The following STIL variants were observed in gnomAD, a reference collection of about 807,000 sequenced individuals.
The protein encoded by STIL is STIL centriolar assembly protein.
In STIL, 55 loss-of-function variants were observed where a neutral mutation model predicts 110.1. The ratio of observed to expected loss-of-function variants is 0.50; its 90% CI spans 0.40 to 0.63. The LOEUF (loss-of-function observed/expected upper bound fraction) is 0.63. Among genes scored for constraint, STIL ranks in the 20% least tolerant of loss-of-function variants. The probability of loss-of-function intolerance (pLI) is 0.00; values close to 1 mark genes in which losing one functional copy is unlikely to be tolerated. For synonymous variants in STIL, 481 were observed against 530.0 expected (o/e 0.91, Z 1.27); for missense variants, 1,358 against 1,530.0 (o/e 0.89, Z 1.87).
At chr1:47,291,960 G>A (rs761975930) in intron 8 of STIL, among the ~76,000 whole-genome samples, 4 of 151,742 alleles carry the variant, frequency 2.6e-5, no homozygotes, top group Admixed American at 6.6e-5. Context: ...GGGCTCAAGC[G>A]ATCTTCCCAT....
chr1:47,256,126 T>C (rs1366856951), intron 16 of STIL, among the ~76,000 whole-genome samples: 7 of 152,338 alleles, frequency 4.6e-5, no homozygotes, highest in African/African-American at 1.4e-4. Flanking sequence ...ACTTTTAGTA[T>C]ACCAGTTATA....
intron 14 of STIL, 34 bp from the exon 15 acceptor site, chr1:47,263,150 G>A: frequency 6.3e-7 from 1 of 1,578,538 alleles, no homozygotes; most frequent in Non-Finnish European, 8.7e-7. Context: ...AGTCATTGAG[G>A]TACCTTTAAC....
chr1:47,263,596 C>A (rs1173253307), intron 14 of STIL, among the ~76,000 whole-genome samples: 1 of 152,086 alleles, frequency 6.6e-6, no homozygotes, highest in Non-Finnish European at 1.5e-5. Flanking sequence ...ATAAACTAAA[C>A]CATGGTACCT....
At chr1:47,281,840 C>T (rs1446619565) in intron 11 of STIL, among the ~76,000 whole-genome samples, 1 of 152,134 alleles carries the variant, frequency 6.6e-6, no homozygotes, top group Non-Finnish European at 1.5e-5. Context: ...AAATGACCCA[C>T]AGGTTGGTAG....
chr1:47,270,134 G>A (rs868372408), intron 13 of STIL, among the ~76,000 whole-genome samples: 2 of 151,486 alleles, frequency 1.3e-5, no homozygotes, highest in South Asian at 2.1e-4. Flanking sequence ...ATCTACTCAG[G>A]AGGCAGAGGT....
intron 9 of STIL, among the ~76,000 whole-genome samples, chr1:47,288,828 C>T (rs1002091096): frequency 6.7e-6 from 1 of 149,176 alleles, no homozygotes; most frequent in African/African-American, 2.5e-5. Flanking sequence ...AGGTGGATCA[C>T]CTAAGGTCAG....
At chr1:47,269,191 G>A (rs1024150645) in intron 14 of STIL, among the ~76,000 whole-genome samples, 1 of 151,810 alleles carries the variant, frequency 6.6e-6, no homozygotes, top group African/African-American at 2.4e-5. Flanking sequence ...GTTTTCTTCC[G>A]ATTTCTGATT....
intron 2 of STIL, 50 bp from the exon 3 acceptor site, chr1:47,305,046 T>C (rs763000879): frequency 7.4e-7 from 1 of 1,344,482 alleles, no homozygotes; most frequent in Non-Finnish European, 1.1e-6. Flanking sequence ...GCAAACTTGG[T>C]AGACATTTGG....
chr1:47,251,538 A>T lies in STIL; in HGVS notation c.3465T>A (p.Asn1155Lys). The change falls in exon 17 of 17, where the codon AAT becomes AAA. Residue 1155 changes from asparagine (N) to lysine (K), a missense_variant. Coordinates refer to ENST00000371877, the MANE Select transcript of STIL (RefSeq NM_001048166.1). ...GTTCAGGTATGGACCTAAGGTTCTG[A>T]TTCAATAAATATTCACTCTTGCTAT... ...NADSKSEYLL[N>K]QNLRSIPEQL... The T allele has an allele frequency of 6.2e-7, 1 of 1,614,136 alleles. No individual in the cohort carries two copies. Among genetic ancestry groups the T allele is most frequent in the Non-Finnish European group, 8.5e-7 (1 of 1,180,020 alleles).
Position 47,280,566 on chromosome 1 carries a change from T to A in STIL, c.1892A>T (p.Asp631Val). The change falls in exon 12 of 17, where the codon GAT becomes GTT. Residue 631 changes from aspartate (D) to valine (V), a missense_variant. Transcript: ENST00000371877. ...CTTTTGAAGGGCTTCAGACTGGACA[T>A]CTTGAATGGATCCAACTGTGTTTGC... ...QGANTVGSIQ[D>V]VQSEALQKHS... is the part of the protein sequence containing the mutation. 6.2e-7 allele frequency: 1 copy of A among 1,614,252 alleles called. No individual in the cohort carries two copies. The highest frequency in any genetic ancestry group is 8.5e-7 in the Non-Finnish European group (1 of 1,180,050).
intron 1 of STIL, among the ~76,000 whole-genome samples, chr1:47,311,283 C>CTTTT (rs536667689): frequency 2.3e-5 from 3 of 132,230 alleles, no homozygotes; most frequent in African/African-American, 8.5e-5. Context: ...TTCTTTTTTT[C>CTTTT]TTTTTTTTTT....
chr1:47,251,162 G>A lies in STIL; in HGVS notation c.3841C>T (p.Leu1281Phe), dbSNP rs1432097151. The change falls in exon 17 of 17, where the codon CTC (leucine) becomes TTC (phenylalanine). Residue 1281 changes from leucine to phenylalanine, a missense_variant. Transcript: ENST00000371877. Reference protein sequence around the residue: ...SVGTFLDVKRLRQLPKLF With the variant: ...SVGTFLDVKRFRQLPKLF ...TAAAATAATTTTGGTAACTGTCTGA[G>A]ACGTTTTACATCTAAGAAGGTGCCT... The A allele has an allele frequency of 6.2e-7, 1 of 1,613,992 alleles. No homozygotes were observed. Among genetic ancestry groups the A allele is most frequent in the Admixed American group, 1.7e-5 (1 of 59,978 alleles).
chr1:47,254,116 G>A (rs1258327074), intron 16 of STIL, among the ~76,000 whole-genome samples: 1 of 145,346 alleles, frequency 6.9e-6, no homozygotes, highest in African/African-American at 2.5e-5. Context: ...AGGAGGCGGA[G>A]GTTGCAGTGA....
At chr1:47,295,299 G>T (rs533658925) in intron 7 of STIL, among the ~76,000 whole-genome samples, 2 of 152,074 alleles carry the variant, frequency 1.3e-5, no homozygotes, top group Non-Finnish European at 2.9e-5. Flanking sequence ...ACAAAATCTG[G>T]CTGAGCATGA....
At chr1:47,308,872 G>A (rs1430427809) in intron 2 of STIL, among the ~76,000 whole-genome samples, 1 of 152,052 alleles carries the variant, frequency 6.6e-6, no homozygotes, top group Non-Finnish European at 1.5e-5. Flanking sequence ...TGGCCAACAT[G>A]GTGAAACCCC....
chr1:47,275,172 G>A (rs1644953258), intron 12 of STIL, among the ~76,000 whole-genome samples: 1 of 134,988 alleles, frequency 7.4e-6, no homozygotes, highest in African/African-American at 2.8e-5. Flanking sequence ...ACAACAAAAA[G>A]CATCTCTAAA....
At chr1:47,273,957 T>C (rs996936766) in intron 12 of STIL, among the ~76,000 whole-genome samples, 2 of 152,208 alleles carry the variant, frequency 1.3e-5, no homozygotes, top group Admixed American at 6.5e-5. Context: ...AATCCTACCC[T>C]GCTACCTTTT....
chr1:47,274,331 ACTTTT>A lies in STIL; in HGVS notation c.2218-2095_2218-2091del, dbSNP rs1644923745. Among the ~76,000 whole-genome samples the A allele has an allele frequency of 2.0e-5, 3 of 150,814 alleles. No individual in the cohort carries two copies. The South Asian group carries it at 6.4e-4, about 32-fold the overall frequency. On this transcript the variant is annotated intron_variant, in intron 12 of 16. Transcript: ENST00000371877. ...CAGCTAATATTCTTTCTTTCTCAGA[ACTTTT>A]CTTTTTTTTCTTTGAGACAGAGCCT... is the stretch of plus-strand genomic sequence containing the variant.
chr1:47,281,157 T>C lies in STIL; in HGVS notation c.1301A>G (p.Asn434Ser), dbSNP rs758666401. ...AGGCAGAGGGTTTGATTCTATGAAA[T>C]TGCCATCCAACACAAGTGAAAGTTC... ...VPELSLVLDG[N>S]FIESNPLPTP... Residue 434 changes from asparagine (N) to serine (S), a missense_variant, in exon 12 of 17, where the codon AAT becomes AGT. Asn to Ser is a conservative substitution (Grantham distance 46). Coordinates refer to ENST00000371877, the MANE Select transcript of STIL (RefSeq NM_001048166.1). The C allele has an allele frequency of 2.5e-6, 4 of 1,613,734 alleles. No individual in the cohort carries two copies. The highest frequency in any genetic ancestry group is 4.5e-5 in the East Asian group (2 of 44,884).
Sources: gnomAD v4.1 joint callset for allele counts (sites outside exome capture counted in the v4.1 genomes callset) on GRCh38, gnomAD v4.1.1 for gene constraint, MANE v1.5 for transcripts, NCBI Gene and HGNC (gene_info 2026-07-23, HGNC 2026-07-21) for gene names.